EXTL2: variants seen among roughly 807,000 people sequenced by gnomAD.
EXTL2 encodes exostosin-like 2.
A neutral mutation model predicts 30.7 loss-of-function variants in EXTL2; 23 were observed. The ratio of observed to expected loss-of-function variants is 0.75; its 90% CI spans 0.54 to 1.06. The LOEUF is 1.06. EXTL2 is among the 50% of genes least tolerant of loss of function. EXTL2 has a pLI of 0.00. For synonymous variants in EXTL2, 123 were observed against 133.8 expected (o/e 0.92, Z 0.56); for missense variants, 352 against 396.3 (o/e 0.89, Z 0.95).
intron 1 of EXTL2, among the ~76,000 whole-genome samples, chr1:100,890,168 A>G (rs1650307740): frequency 6.6e-6 from 1 of 152,202 alleles, no homozygotes. Context: ...CTGTGCACCC[A>G]TAGGCTCAAC....
At chr1:100,885,908 C>G (rs1469313724) in intron 2 of EXTL2, 1 of 152,042 alleles carries the variant, frequency 6.6e-6, no homozygotes, top group Non-Finnish European at 1.5e-5. Flanking sequence ...ACTTTTTTCA[C>G]AAATCTAAAA....
At chr1:100,890,306 T>G (rs552412179) in intron 1 of EXTL2, among the ~76,000 whole-genome samples, 1 of 152,092 alleles carries the variant, frequency 6.6e-6, no homozygotes, top group East Asian at 1.9e-4. Flanking sequence ...AGAGTAGGAG[T>G]AGGGTCCTGG....
intron 1 of EXTL2, among the ~76,000 whole-genome samples, chr1:100,890,240 T>C (rs1171548663): frequency 6.6e-6 from 1 of 152,214 alleles, no homozygotes; most frequent in African/African-American, 2.4e-5. Flanking sequence ...CTGAGCTGTA[T>C]GTTGGCCCCT....
In EXTL2 at chr1:100,881,468, A is replaced by G. The variant is rs958710480; in HGVS notation, c.6-3565T>C. 3.9e-5 allele frequency among the ~76,000 whole-genome samples: 6 copies of G among 152,368 alleles called. No homozygotes were observed. In the East Asian group the frequency reaches 1.2e-3, roughly 29 times the overall value. ...TCGTACTTGGGAAGAACTAAGAAGT[A>G]AACATAAGCACCTCAGTTCTCTTGC... On this transcript the variant is annotated intron_variant, in intron 2 of 4. Coordinates refer to ENST00000370114, the MANE Select transcript of EXTL2 (RefSeq NM_001033025.3).
At chr1:100,893,742 AC>A (rs1415610285) in intron 1 of EXTL2, among the ~76,000 whole-genome samples, 2 of 152,220 alleles carry the variant, frequency 1.3e-5, no homozygotes, top group Admixed American at 6.5e-5. Flanking sequence ...GTGTCCACCT[AC>A]ACTTTTATAT....
chr1:100,877,434 C>G lies in EXTL2; in HGVS notation c.433+42G>C. 2 of 1,501,612 alleles carry G rather than the reference C, an allele frequency of 1.3e-6. No individual in the cohort carries two copies. Among genetic ancestry groups the G allele is most frequent in the South Asian group, 1.3e-5 (1 of 74,968 alleles). 93.0% of individuals were successfully genotyped at this position (1,501,612 alleles called of 1,614,324 possible). A position where few individuals can be genotyped will look rare whatever the true frequency, so the allele number is the denominator to read the frequency against. On this transcript the variant is annotated intron_variant, in intron 3 of 4. Coordinates refer to ENST00000370114, the MANE Select transcript of EXTL2 (RefSeq NM_001033025.3). The surrounding 1 kb of genome is among the most constrained non-coding windows in gnomAD (Gnocchi z 4.1). Reference sequence around the variant, plus strand: ...TTCACATGTCTGTCCCAGCTCTGGACAGCGGCAGCCTTTCCAGGCTGAGAA... The same window carrying G: ...TTCACATGTCTGTCCCAGCTCTGGAGAGCGGCAGCCTTTCCAGGCTGAGAA...
intron 3 of EXTL2, 74 bp from the exon 4 acceptor site, chr1:100,876,938 C>T: frequency 1.1e-6 from 1 of 906,788 alleles, no homozygotes; most frequent in East Asian, 2.5e-5. Context: ...ACAATAGTGT[C>T]TATATAGATC....
intron 2 of EXTL2, among the ~76,000 whole-genome samples, chr1:100,887,620 T>C (rs1397173190): frequency 6.6e-6 from 1 of 152,238 alleles, no homozygotes; most frequent in Non-Finnish European, 1.5e-5. Context: ...GAATACAGTA[T>C]TAAAAGATTT....
At chr1:100,888,115 C>T (rs924798240) in intron 2 of EXTL2, among the ~76,000 whole-genome samples, 5 of 152,224 alleles carry the variant, frequency 3.3e-5, no homozygotes, top group Non-Finnish European at 5.9e-5. Context: ...AATACTATTT[C>T]AATGGACCTA....
chr1:100,872,560 T>C lies in EXTL2; in HGVS notation c.*1382A>G, dbSNP rs1374030799. The stretch of plus-strand genomic sequence containing the variant: ...GCATTAAGACACATATACTCTTTAA[T>C]GTAAAAAAAAAACCATCATATGCGG... On this transcript the variant is annotated 3_prime_UTR_variant, in exon 5 of 5. Transcript: ENST00000370114. 6 of 152,174 alleles carry C rather than the reference T, an allele frequency of 3.9e-5. No individual in the cohort carries two copies. Among genetic ancestry groups the C allele is most frequent in the Non-Finnish European group, 7.4e-5 (5 of 67,876 alleles). 9.4% of individuals were successfully genotyped at this position (152,174 alleles called of 1,614,324 possible).
At chr1:100,893,912 G>A (rs960440780) in intron 1 of EXTL2, among the ~76,000 whole-genome samples, 2 of 152,088 alleles carry the variant, frequency 1.3e-5, no homozygotes, top group Admixed American at 1.3e-4. Context: ...GGGAGTCTCT[G>A]GAAACTGATG....
Position 100,874,033 on chromosome 1 carries a change from A to C in EXTL2, c.902T>G (p.Val301Gly). 1 of 1,613,072 alleles carries C rather than the reference A, an allele frequency of 6.2e-7. No homozygotes were observed. The highest frequency in any genetic ancestry group is 2.2e-5 in the East Asian group (1 of 44,852). The change falls in exon 5 of 5, where the codon GTT becomes GGT. Residue 301 changes from valine to glycine, a missense_variant. Coordinates refer to ENST00000370114, the MANE Select transcript of EXTL2 (RefSeq NM_001033025.3). ...TAAGGGCATGCTATCATAGATATTA[A>C]CAAGCTTATTTATACAATAAGACCT... ...LQRSYCINKL[V>G]NIYDSMPLRY...
At chr1:100,882,067 T>A (rs1649602714) in intron 2 of EXTL2, among the ~76,000 whole-genome samples, 1 of 152,226 alleles carries the variant, frequency 6.6e-6, no homozygotes, top group Non-Finnish European at 1.5e-5. Flanking sequence ...CTTGATGATC[T>A]GAGGTGGAAC....
At chr1:100,876,096 C>T (rs922142298) in intron 4 of EXTL2, among the ~76,000 whole-genome samples, 2 of 152,002 alleles carry the variant, frequency 1.3e-5, no homozygotes, top group Non-Finnish European at 2.9e-5. Context: ...GGCATAAATT[C>T]GATCATTTAC....
intron 2 of EXTL2, chr1:100,878,460 C>T (rs1438488577): frequency 4.2e-6 from 2 of 470,826 alleles, no homozygotes; most frequent in East Asian, 1.4e-4. Flanking sequence ...GTGGATACAG[C>T]AATTAATGAG....
intron 1 of EXTL2, among the ~76,000 whole-genome samples, chr1:100,892,273 C>T (rs555502536): frequency 2.6e-5 from 4 of 152,124 alleles, no homozygotes; most frequent in South Asian, 4.2e-4. Flanking sequence ...AGCCTGGCTA[C>T]GAAAAGCAGG....
chr1:100,884,214 G>A (rs1435219208), intron 2 of EXTL2, among the ~76,000 whole-genome samples: 1 of 152,168 alleles, frequency 6.6e-6, no homozygotes, highest in Non-Finnish European at 1.5e-5. Flanking sequence ...TTATTTTGCT[G>A]CCACAGATGG....
intron 2 of EXTL2, among the ~76,000 whole-genome samples, chr1:100,887,882 G>A (rs1425137332): frequency 1.3e-5 from 2 of 152,074 alleles, no homozygotes; most frequent in South Asian, 2.1e-4. Context: ...TGTATTTTTA[G>A]TAGAGACGGG....
intron 2 of EXTL2, among the ~76,000 whole-genome samples, 198 bp from the exon 3 acceptor site, chr1:100,878,101 C>G (rs1252486180): frequency 6.6e-6 from 1 of 152,070 alleles, no homozygotes; most frequent in Non-Finnish European, 1.5e-5. Context: ...TCTTGCCCTG[C>G]TTGTTACGCA....
Sources: allele counts gnomAD v4.1 joint callset (sites outside exome capture counted in the v4.1 genomes callset), GRCh38; gene constraint gnomAD v4.1.1; non-coding constraint Gnocchi (gnomAD v3.1); transcripts MANE v1.5; gene names NCBI Gene and HGNC (gene_info 2026-07-23, HGNC 2026-07-21).